AP3B1: variants seen among roughly 807,000 people sequenced by gnomAD.
AP3B1 encodes adaptor related protein complex 3 subunit beta 1, also known as AP-3 complex subunit beta-1.
A neutral mutation model predicts 132.5 loss-of-function variants in AP3B1; 61 were observed. The observed-to-expected ratio is 0.46, with a 90% CI of 0.37 to 0.57. The LOEUF (loss-of-function observed/expected upper bound fraction) is 0.57. Ranked by LOEUF, AP3B1 falls within the 20% of genes least tolerant of loss-of-function variation. The pLI is 0.00. For missense variants in AP3B1, 1,120 were observed against 1,289.4 expected (o/e 0.87, Z 2.01); for synonymous variants, 388 against 438.3 (o/e 0.89, Z 1.43).
intron 24 of AP3B1, among the ~76,000 whole-genome samples, chr5:78,025,250 C>T (rs1160366607): frequency 1.3e-5 from 2 of 152,130 alleles, no homozygotes; most frequent in African/African-American, 4.8e-5. Context: ...TCCTGAAGGA[C>T]ACCACATACT....
chr5:78,082,216 T>C (rs1357271002), intron 22 of AP3B1, among the ~76,000 whole-genome samples: 1 of 152,176 alleles, frequency 6.6e-6, no homozygotes, highest in African/African-American at 2.4e-5. Flanking sequence ...ATAAAGGCCT[T>C]GGAGCCTCTC....
chr5:78,013,368 C>G (rs377209671), intron 26 of AP3B1, among the ~76,000 whole-genome samples: 2 of 151,880 alleles, frequency 1.3e-5, no homozygotes, highest in South Asian at 4.2e-4. Flanking sequence ...TTCTAAGAAA[C>G]AAAAATCTAG....
intron 2 of AP3B1, among the ~76,000 whole-genome samples, chr5:78,250,704 T>C (rs1747593859): frequency 1.3e-5 from 2 of 152,078 alleles, no homozygotes; most frequent in African/African-American, 4.8e-5. Flanking sequence ...AAAAGTTGGA[T>C]ATAAAAGAGA....
At chr5:78,187,383 C>T (rs1311289425) in intron 7 of AP3B1, among the ~76,000 whole-genome samples, 1 of 152,104 alleles carries the variant, frequency 6.6e-6, no homozygotes. Context: ...ACAAAATCAT[C>T]AAAATGTACA....
chr5:78,097,040 C>T (rs1266018006), intron 21 of AP3B1, among the ~76,000 whole-genome samples: 4 of 117,654 alleles, frequency 3.4e-5, no homozygotes, highest in Non-Finnish European at 6.8e-5. Flanking sequence ...CCCGGCCAGC[C>T]GCCCCGTCCG....
chr5:78,207,712 A>G (rs1580486935), intron 7 of AP3B1, among the ~76,000 whole-genome samples: 1 of 151,788 alleles, frequency 6.6e-6, no homozygotes, highest in Admixed American at 6.6e-5. Flanking sequence ...AGCATGCAGA[A>G]AAAAAAAATC....
At chr5:78,247,937 T>C (rs999783573) in intron 2 of AP3B1, among the ~76,000 whole-genome samples, 1 of 152,184 alleles carries the variant, frequency 6.6e-6, no homozygotes, top group Non-Finnish European at 1.5e-5. Flanking sequence ...CCTTAGAAAA[T>C]TTTTAGTATT....
rs549060224 is a variant in AP3B1, at chr5:78,191,596, T to C, written c.787-9934A>G. Among the ~76,000 whole-genome samples, 6 of 152,256 alleles carry C rather than the reference T, an allele frequency of 3.9e-5. No individual in the cohort carries two copies. In the South Asian group the frequency reaches 1.2e-3, roughly 32 times the overall value. On this transcript the variant is annotated intron_variant, in intron 7 of 26. Transcript: ENST00000255194. ...CAGCTTAAATCATCTCAATCCATAA[T>C]TGAGGTGATAAGTGAACTCAAGATT...
intron 21 of AP3B1, among the ~76,000 whole-genome samples, chr5:78,093,907 G>A (rs1483905518): frequency 6.6e-6 from 1 of 152,216 alleles, no homozygotes. Context: ...CAACTAGTGA[G>A]TAACAGAGCT....
At position 78,259,173 on chromosome 5, in the gene AP3B1, A is replaced by G. The variant is rs559647103; in HGVS notation, c.204+8347T>C. Among the ~76,000 whole-genome samples, 913 of 151,920 alleles carry G rather than the reference A, an allele frequency of 6.0e-3. 4 individuals are homozygous for G. Among genetic ancestry groups the G allele is most frequent in the Admixed American group, 9.4e-3 (143 of 15,236 alleles). The stretch of plus-strand genomic sequence containing the variant: ...TGAGGCAGGAGAATGGTGTGAACCC[A>G]GGAGGTGGAGCTTGCAGTGAGCTGA... On this transcript the variant is annotated intron_variant, in intron 2 of 26. Transcript: ENST00000255194.
chr5:78,269,151 ATT>A (rs1580570293), intron 1 of AP3B1, among the ~76,000 whole-genome samples: 1 of 152,216 alleles, frequency 6.6e-6, no homozygotes, highest in African/African-American at 2.4e-5. Flanking sequence ...AAATATCAAT[ATT>A]TGAGTCAAAA....
chr5:78,146,562 T>C (rs1029789709), intron 14 of AP3B1, among the ~76,000 whole-genome samples: 3 of 152,204 alleles, frequency 2.0e-5, no homozygotes, highest in African/African-American at 7.2e-5. Context: ...GAAGGGAATT[T>C]TGTTTTATTT....
At chr5:78,029,362 T>C (rs1368587239) in intron 24 of AP3B1, among the ~76,000 whole-genome samples, 1 of 152,058 alleles carries the variant, frequency 6.6e-6, no homozygotes, top group Non-Finnish European at 1.5e-5. Context: ...TTTCTAGTTT[T>C]AGCACATCTA....
rs1294048297 is a variant in AP3B1 at position 78,141,247 on chromosome 5, C to G, written c.1546G>C (p.Asp516His). ...CTTTTAGCCATCTTCCTCAAAACAT[C>G]AGGGGCAATTTTAGGAACTCGTTCA... is the stretch of plus-strand genomic sequence containing the variant. ...NCERVPKIAPDVLRKMAKSFT... is the reference protein window; with the variant it reads ...NCERVPKIAPHVLRKMAKSFT... The change falls in exon 15 of 27, where the codon GAT becomes CAT. Residue 516 changes from aspartate to histidine, a missense_variant. Asp to His is a moderately conservative substitution (Grantham distance 81). This residue lies in a region of AP3B1 where 906 missense variants were observed against 997.1 expected (regional missense o/e 0.91). Coordinates refer to ENST00000255194, the MANE Select transcript of AP3B1 (RefSeq NM_003664.5). The G allele has an allele frequency of 6.2e-7, 1 of 1,613,792 alleles. No homozygotes were observed. The highest frequency in any genetic ancestry group is 8.5e-7 in the Non-Finnish European group (1 of 1,179,786).
At chr5:78,196,797 C>T (rs967844864) in intron 7 of AP3B1, among the ~76,000 whole-genome samples, 1 of 152,044 alleles carries the variant, frequency 6.6e-6, no homozygotes, top group African/African-American at 2.4e-5. Flanking sequence ...ATGATTCCAG[C>T]TATATGATAT....
At chr5:78,101,994 G>A (rs1403466660) in intron 20 of AP3B1, among the ~76,000 whole-genome samples, 1 of 151,894 alleles carries the variant, frequency 6.6e-6, no homozygotes, top group African/African-American at 2.4e-5. Context: ...CATTCAATAG[G>A]TATGTATAGA....
intron 20 of AP3B1, chr5:78,101,448 T>C (rs371886149): frequency 5.9e-6 from 2 of 340,502 alleles, no homozygotes; most frequent in South Asian, 5.1e-5. Flanking sequence ...TTGTGATAGG[T>C]CAGCCTTTTC....
At chr5:78,270,268 T>C (rs139809131) in intron 1 of AP3B1, among the ~76,000 whole-genome samples, 1 of 152,248 alleles carries the variant, frequency 6.6e-6, no homozygotes, top group East Asian at 1.9e-4. Context: ...TATCCATCAA[T>C]ATTGGACTGG....
chr5:78,033,169 T>C (rs1459172743), intron 24 of AP3B1, among the ~76,000 whole-genome samples: 1 of 152,122 alleles, frequency 6.6e-6, no homozygotes, highest in East Asian at 1.9e-4. Context: ...AATATACCTC[T>C]GGTGTCAGAG....
Sources: allele counts gnomAD v4.1 joint callset (sites outside exome capture counted in the v4.1 genomes callset), GRCh38; gene constraint gnomAD v4.1.1; regional missense constraint gnomAD v4.1.1; transcripts MANE v1.5; gene names NCBI Gene and HGNC (gene_info 2026-07-23, HGNC 2026-07-21).